Variants in MPP7 observed in about 807,000 individuals in gnomAD.
The protein encoded by MPP7 is MAGUK p55 scaffold protein 7.
A neutral mutation model predicts 76.5 loss-of-function variants in MPP7; 60 were observed. The ratio of observed to expected loss-of-function variants is 0.78; its 90% confidence interval spans 0.64 to 0.97. The LOEUF is 0.97. Ranked by LOEUF, MPP7 falls within the 50% of genes least tolerant of loss-of-function variation. The pLI is 0.00. For missense variants in MPP7, 641 were observed against 694.0 expected, an observed-to-expected ratio of 0.92 and a Z score of 0.86; for synonymous variants, 237 against 244.5, an observed-to-expected ratio of 0.97 and a Z score of 0.29.
intron 3 of MPP7, among the ~76,000 whole-genome samples, chr10:28,175,107 T>C (rs1330537731): frequency 2.6e-5 from 4 of 152,046 alleles, no homozygotes; most frequent in Non-Finnish European, 5.9e-5. Flanking sequence ...CTGGTTTACA[T>C]GGCAAAACCC....
At chr10:28,266,210 T>C (rs943598204) in intron 1 of MPP7, among the ~76,000 whole-genome samples, 2 of 152,148 alleles carry the variant, frequency 1.3e-5, no homozygotes, top group Non-Finnish European at 1.5e-5. Flanking sequence ...TCCACCCTCC[T>C]CAGCCTCCCA....
chr10:28,250,349 A>G (rs1839575279), intron 1 of MPP7, among the ~76,000 whole-genome samples: 1 of 152,184 alleles, frequency 6.6e-6, no homozygotes, highest in African/African-American at 2.4e-5. Flanking sequence ...TCATTGTACT[A>G]TTCTTTCTAC....
intron 1 of MPP7, among the ~76,000 whole-genome samples, chr10:28,269,705 T>A (rs1478278966): frequency 2.6e-5 from 4 of 151,858 alleles, no homozygotes; most frequent in Non-Finnish European, 4.4e-5. Flanking sequence ...TTTTTTAAAT[T>A]TTTTTAGAGA....
intron 1 of MPP7, among the ~76,000 whole-genome samples, chr10:28,239,157 T>A (rs1051775762): frequency 3.3e-5 from 5 of 151,794 alleles, no homozygotes; most frequent in African/African-American, 4.8e-5. Flanking sequence ...TTTTATTTTT[T>A]TTTTTGATAC....
chr10:28,072,293 G>T lies in MPP7; in HGVS notation c.1124-2441C>A, dbSNP rs1852276068. On this transcript the variant is annotated intron_variant, in intron 12 of 16. Transcript: ENST00000683449. ...TGTCTCAAAAATAAAATAAAATAAA[G>T]AATAGTATGTGGGATGAGACAGTGC... Among the ~76,000 whole-genome samples, 3 of 151,952 alleles carry T rather than the reference G, an allele frequency of 2.0e-5. No homozygotes were observed. In the South Asian group the frequency reaches 6.2e-4, roughly 32 times the overall value.
intron 11 of MPP7, among the ~76,000 whole-genome samples, chr10:28,099,876 A>G (rs886214769): frequency 6.6e-6 from 1 of 152,114 alleles, no homozygotes; most frequent in African/African-American, 2.4e-5. Context: ...TGATACAAAC[A>G]GTCTAGAAAA....
At chr10:28,332,239 A>ATGTGTGTGTGTG (rs1460669087) in intron 1 of MPP7, among the ~76,000 whole-genome samples, 11 of 96,492 alleles carry the variant, frequency 1.1e-4, no homozygotes, top group Non-Finnish European at 1.6e-4. Context: ...AGTTTGTCAA[A>ATGTGTGTGTGTG]TGTATGCGTG....
chr10:28,183,292 C>CAG (rs140023527), intron 3 of MPP7, among the ~76,000 whole-genome samples: 2,005 of 152,264 alleles, frequency 0.013, 44 homozygotes, highest in African/African-American at 0.046. Flanking sequence ...CTCTCTTAAG[C>CAG]TGTGTGTTGG....
intron 10 of MPP7, 63 bp downstream of exon 10, chr10:28,120,131 G>C: frequency 6.7e-7 from 1 of 1,501,318 alleles, no homozygotes. Flanking sequence ...ATGCCAGAAT[G>C]ATATTTTGCA....
rs151141693 is a variant in MPP7 at position 28,119,572 on chromosome 10, T to C, written c.952+79A>G. 1.6e-4 allele frequency: 192 copies of C among 1,165,060 alleles called. No homozygotes were observed. The African/African-American group carries it at 2.6e-3, about 16-fold the overall frequency. 72.2% of individuals were successfully genotyped at this position (1,165,060 alleles called of 1,614,324 possible). On this transcript the variant is annotated intron_variant, in intron 11 of 16. Coordinates refer to ENST00000683449, the MANE Select transcript of MPP7 (RefSeq NM_001318170.2). ...TTGCTAGGGTAATAGGACCCTTTGTTCTGCCATGAGCACCTGCTTTAATAG... is the reference window on the plus strand; with the variant it reads ...TTGCTAGGGTAATAGGACCCTTTGTCCTGCCATGAGCACCTGCTTTAATAG...
chr10:28,255,065 T>C (rs1006969029), intron 1 of MPP7, among the ~76,000 whole-genome samples: 3 of 152,232 alleles, frequency 2.0e-5, no homozygotes, highest in Middle Eastern at 3.2e-3. Context: ...TGTTGTTCTC[T>C]AAATGTATGC....
intron 1 of MPP7, among the ~76,000 whole-genome samples, chr10:28,279,120 G>A (rs1243765771): frequency 6.6e-6 from 1 of 152,024 alleles, no homozygotes; most frequent in Non-Finnish European, 1.5e-5. Flanking sequence ...ATCTCCCAGA[G>A]TGAATCTACA....
intron 12 of MPP7, among the ~76,000 whole-genome samples, chr10:28,075,048 G>T (rs1185537548): frequency 6.6e-6 from 1 of 152,032 alleles, no homozygotes; most frequent in Non-Finnish European, 1.5e-5. Flanking sequence ...GAAACTTACA[G>T]TCATGGGGGA....
At chr10:28,323,933 T>C (rs1834389009) in intron 2 of MPP7, among the ~76,000 whole-genome samples, 1 of 152,208 alleles carries the variant, frequency 6.6e-6, no homozygotes, top group African/African-American at 2.4e-5. Flanking sequence ...ACATTTTGCG[T>C]TCTAGGGATA....
At chr10:28,133,515 T>C (rs1835259969) in intron 5 of MPP7, among the ~76,000 whole-genome samples, 1 of 152,240 alleles carries the variant, frequency 6.6e-6, no homozygotes. Flanking sequence ...CATATGTGCA[T>C]TTTTATGTTT....
At chr10:28,058,653 T>C (rs1002408997) in intron 14 of MPP7, 50 bp from the exon 15 acceptor site, 2 of 1,007,806 alleles carry the variant, frequency 2.0e-6, no homozygotes, top group South Asian at 1.8e-5. Flanking sequence ...AAAACAATTA[T>C]AGGTGGCAAG....
At chr10:28,079,639 C>CA (rs1168734840) in intron 12 of MPP7, among the ~76,000 whole-genome samples, 2 of 151,992 alleles carry the variant, frequency 1.3e-5, no homozygotes, top group East Asian at 1.9e-4. Flanking sequence ...CTTATACTGA[C>CA]AAAAAAACAA....
chr10:28,132,130 TCTC>T (rs1026613487), intron 5 of MPP7, among the ~76,000 whole-genome samples: 6 of 152,200 alleles, frequency 3.9e-5, no homozygotes, highest in Admixed American at 3.3e-4. Flanking sequence ...TACTATTTTT[TCTC>T]CTATTAGCAG....
intron 3 of MPP7, among the ~76,000 whole-genome samples, chr10:28,196,775 T>C (rs1401308489): frequency 1.3e-5 from 2 of 152,046 alleles, no homozygotes; most frequent in Non-Finnish European, 2.9e-5. Context: ...TCAGCCTCCC[T>C]CTCTCAAACT....
Sources: allele counts gnomAD v4.1 joint callset (sites outside exome capture counted in the v4.1 genomes callset), GRCh38; gene constraint gnomAD v4.1.1; transcripts MANE v1.5; gene names NCBI Gene and HGNC (gene_info 2026-07-23, HGNC 2026-07-21).